TOGARAM1: variants seen among roughly 807,000 people sequenced by gnomAD.
TOGARAM1 encodes TOG array regulator of axonemal microtubules 1, also known as TOG array regulator of axonemal microtubules protein 1.
A neutral mutation model predicts 166.6 loss-of-function variants in TOGARAM1; 100 were observed. The ratio of observed to expected loss-of-function variants is 0.60; its 90% CI spans 0.51 to 0.71. TOGARAM1 has a LOEUF of 0.71. Ranked by LOEUF, TOGARAM1 falls within the 30% of genes least tolerant of loss-of-function variation. TOGARAM1 has a pLI of 0.00. For missense variants in TOGARAM1, 2,029 were observed against 2,102.7 expected, an observed-to-expected ratio of 0.96 and a Z score of 0.69; for synonymous variants, 758 against 763.8, an observed-to-expected ratio of 0.99 and a Z score of 0.13.
rs1885347645 is a variant in TOGARAM1, at chr14:44,963,671, T to G, written c.1250T>G (p.Val417Gly). The G allele has an allele frequency of 1.9e-6, 3 of 1,613,468 alleles. No individual in the cohort carries two copies. Among genetic ancestry groups the G allele is most frequent in the Admixed American group, 3.3e-5 (2 of 60,004 alleles). ...AAAGTGGTGCATGGCACACTTGAAG[T>G]CCTGCATTTACTGGTTATTCGCCTT... ...NFKVVHGTLE[V>G]LHLLVIRLGE... is the part of the protein sequence containing the mutation. The change falls in exon 1 of 20, where the codon GTC becomes GGC. Residue 417 changes from valine (V) to glycine (G), a missense_variant. Around this residue, in one of 2 missense-constraint regions of TOGARAM1, gnomAD observed 1,453 missense variants for 1,432.2 expected, o/e 1.01. Coordinates refer to ENST00000361462, the MANE Select transcript of TOGARAM1 (RefSeq NM_001308120.2).
intron 10 of TOGARAM1, among the ~76,000 whole-genome samples, chr14:45,028,965 G>T (rs965693887): frequency 6.6e-6 from 1 of 151,948 alleles, no homozygotes; most frequent in Non-Finnish European, 1.5e-5. Context: ...ACTCAAGAAG[G>T]TTACAAAAAT....
At chr14:45,037,270 C>A (rs1881483224) in intron 11 of TOGARAM1, among the ~76,000 whole-genome samples, 1 of 152,244 alleles carries the variant, frequency 6.6e-6, no homozygotes, top group Admixed American at 6.5e-5. Context: ...CTGGTTATCT[C>A]TTTTAAGGGA....
chr14:44,963,886 G>A lies in TOGARAM1; in HGVS notation c.1465G>A (p.Glu489Lys). ...ACATAAGCATTCCAGAGTGAGAGAGGAGGTGGTGAACATTTGCATCTGCTC... is the reference window on the plus strand; with the variant it reads ...ACATAAGCATTCCAGAGTGAGAGAGAAGGTGGTGAACATTTGCATCTGCTC... Reference protein sequence around the residue: ...LKHKHSRVREEVVNICICSLL... With the variant: ...LKHKHSRVREKVVNICICSLL... Residue 489 changes from glutamate (E) to lysine (K), a missense_variant, in exon 1 of 20, where the codon GAG (glutamate) becomes AAG (lysine). Transcript: ENST00000361462. 3 of 1,614,024 alleles carry A rather than the reference G, an allele frequency of 1.9e-6. No individual in the cohort carries two copies. Among genetic ancestry groups the A allele is most frequent in the Non-Finnish European group, 2.5e-6 (3 of 1,179,884 alleles).
intron 1 of TOGARAM1, among the ~76,000 whole-genome samples, chr14:44,977,502 C>T (rs1219275851): frequency 6.6e-6 from 1 of 152,094 alleles, no homozygotes; most frequent in East Asian, 1.9e-4. Flanking sequence ...ACCCAAAGTG[C>T]TGGGATTACA....
At chr14:44,970,794 T>C (rs1454448451) in intron 1 of TOGARAM1, among the ~76,000 whole-genome samples, 3 of 152,196 alleles carry the variant, frequency 2.0e-5, no homozygotes, top group Non-Finnish European at 4.4e-5. Context: ...TTGATATAAT[T>C]ATGTGATTTT....
chr14:45,059,718 A>G (rs1251674925), intron 16 of TOGARAM1, among the ~76,000 whole-genome samples: 1 of 152,136 alleles, frequency 6.6e-6, no homozygotes, highest in African/African-American at 2.4e-5. Context: ...TTATACGAAT[A>G]CATCATATTC....
intron 11 of TOGARAM1, among the ~76,000 whole-genome samples, chr14:45,037,638 A>T (rs775413065): frequency 2.0e-5 from 3 of 152,202 alleles, no homozygotes; most frequent in Non-Finnish European, 4.4e-5. Flanking sequence ...TACATTAAGC[A>T]AAAACTAATA....
chr14:45,027,698 A>G (rs1323705657), intron 9 of TOGARAM1, among the ~76,000 whole-genome samples: 1 of 152,000 alleles, frequency 6.6e-6, no homozygotes, highest in Non-Finnish European at 1.5e-5. Flanking sequence ...TAGAGAGCCT[A>G]TTTTCTCTAG....
rs1887821854 is a variant in TOGARAM1, at chr14:45,004,060, G to A, written c.2339-1G>A. 6.2e-7 allele frequency: 1 copy of A among 1,612,122 alleles called. No individual in the cohort carries two copies. The highest frequency in any genetic ancestry group is 1.3e-5 in the African/African-American group (1 of 74,762). On this transcript the variant is annotated splice_acceptor_variant, in intron 3 of 19. Coordinates refer to ENST00000361462, the MANE Select transcript of TOGARAM1 (RefSeq NM_001308120.2). LOFTEE classifies it high-confidence loss of function. ...ATATATTATCTTTTGTTTTATTACA[G>A]TGTATGCTAGCCTCAATTTTGGCAG...
chr14:45,071,821 A>C, intron 19 of TOGARAM1, 23 bp downstream of exon 19: 1 of 1,559,622 alleles, frequency 6.4e-7, no homozygotes, highest in Non-Finnish European at 8.7e-7. Context: ...TAATTTCTAA[A>C]GAAATATTTT....
Position 45,043,675 on chromosome 14 carries a change from T to C in TOGARAM1, c.3813-11T>C. The C allele has an allele frequency of 6.8e-7, 1 of 1,478,984 alleles. No individual in the cohort carries two copies. The highest frequency in any genetic ancestry group is 9.5e-7 in the Non-Finnish European group (1 of 1,057,016). The allele number at this position is 1,478,984 out of a possible 1,614,324, so 91.6% of individuals were successfully genotyped here. A position where few individuals can be genotyped will look rare whatever the true frequency, so the allele number is the denominator to read the frequency against. On this transcript the variant is annotated splice_polypyrimidine_tract_variant and intron_variant, in intron 11 of 19. Coordinates refer to ENST00000361462, the MANE Select transcript of TOGARAM1 (RefSeq NM_001308120.2). Reference sequence around the variant, plus strand: ...TTTAACGAATGATCTTGTCATTTCTTTTTCTCATAGGGAGAAGAAAATTGA... The same window carrying C: ...TTTAACGAATGATCTTGTCATTTCTCTTTCTCATAGGGAGAAGAAAATTGA...
At chr14:45,031,752 A>G (rs907613145) in intron 10 of TOGARAM1, among the ~76,000 whole-genome samples, 1 of 152,200 alleles carries the variant, frequency 6.6e-6, no homozygotes, top group Admixed American at 6.5e-5. Flanking sequence ...AAAGTTTTCA[A>G]TAGTTTTGGT....
intron 7 of TOGARAM1, among the ~76,000 whole-genome samples, chr14:45,015,666 C>G (rs528761982): frequency 6.7e-6 from 1 of 149,016 alleles, no homozygotes; most frequent in South Asian, 2.1e-4. Context: ...TATGCATTTT[C>G]TTCATTTAAT....
intron 3 of TOGARAM1, among the ~76,000 whole-genome samples, chr14:45,001,612 CAAAG>C (rs1274069546): frequency 3.9e-5 from 6 of 152,076 alleles, no homozygotes; most frequent in Non-Finnish European, 8.8e-5. Context: ...AGGCATTTCT[CAAAG>C]AAGACATATA....
chr14:45,064,595 C>T (rs996335490), intron 16 of TOGARAM1, among the ~76,000 whole-genome samples: 3 of 152,138 alleles, frequency 2.0e-5, no homozygotes, highest in East Asian at 1.9e-4. Flanking sequence ...CTTAGCCTCC[C>T]GAGTACCTGG....
At chr14:44,994,222 T>TCAGC (rs1239562263) in intron 1 of TOGARAM1, among the ~76,000 whole-genome samples, 2 of 152,146 alleles carry the variant, frequency 1.3e-5, no homozygotes, top group Non-Finnish European at 2.9e-5. Context: ...TTCTCCTGCC[T>TCAGC]CAGCCTCTGT....
At chr14:45,040,014 A>T (rs1023611223) in intron 11 of TOGARAM1, among the ~76,000 whole-genome samples, 1 of 152,222 alleles carries the variant, frequency 6.6e-6, no homozygotes, top group Admixed American at 6.5e-5. Context: ...CAGCAGCAGA[A>T]TTCACATTCT....
At chr14:44,995,669 G>A (rs929883758) in intron 1 of TOGARAM1, 77 bp from the exon 2 acceptor site, 248 of 994,030 alleles carry the variant, frequency 2.5e-4, no homozygotes, top group Non-Finnish European at 3.5e-4. Context: ...TTCATAATTG[G>A]ATCTAAGTTA....
Position 45,005,161 on chromosome 14 carries a change from C to T in TOGARAM1, c.2644+795C>T, listed in dbSNP as rs189427047. Among the ~76,000 whole-genome samples the T allele has an allele frequency of 2.9e-4, 44 of 151,290 alleles. 2 individuals are homozygous for T. In the South Asian group the frequency reaches 5.4e-3, roughly 19 times the overall value. On this transcript the variant is annotated intron_variant, in intron 4 of 19. Transcript: ENST00000361462. ...AACTCCCGACCTCAGGTGATCAACC[C>T]GCCTCAACCTCCAAAGTGCTGGGAT...
Sources: allele counts gnomAD v4.1 joint callset (sites outside exome capture counted in the v4.1 genomes callset), GRCh38; gene constraint gnomAD v4.1.1; regional missense constraint gnomAD v4.1.1; transcripts MANE v1.5; gene names NCBI Gene and HGNC (gene_info 2026-07-23, HGNC 2026-07-21).